Variants in METAP1 observed in about 807,000 individuals in gnomAD.
METAP1 encodes methionyl aminopeptidase 1.
METAP1 carries 28 observed loss-of-function variants against 53.8 expected under a neutral mutation model. The ratio of observed to expected loss-of-function variants is 0.52; its 90% CI spans 0.39 to 0.71. METAP1 has a LOEUF of 0.71. Ranked by LOEUF, METAP1 falls within the 30% of genes least tolerant of loss-of-function variation. The pLI, the probability that METAP1 is intolerant of heterozygous loss-of-function variation, is 0.00. For synonymous variants in METAP1, 181 were observed against 165.7 expected, an observed-to-expected ratio of 1.09 and a Z score of -0.71; for missense variants, 389 against 479.8, an observed-to-expected ratio of 0.81 and a Z score of 1.77.
intron 1 of METAP1, among the ~76,000 whole-genome samples, chr4:99,014,026 G>A (rs1352404739): frequency 6.6e-6 from 1 of 152,196 alleles, no homozygotes; most frequent in Non-Finnish European, 1.5e-5. Context: ...AATAGGGTGG[G>A]GGAGAGGCAG....
intron 1 of METAP1, among the ~76,000 whole-genome samples, chr4:99,018,708 C>T (rs1160535290): frequency 6.6e-6 from 1 of 152,142 alleles, no homozygotes; most frequent in Non-Finnish European, 1.5e-5. Context: ...AGATCTTGTA[C>T]TAATAGGTAG....
intron 1 of METAP1, among the ~76,000 whole-genome samples, chr4:99,016,456 A>G (rs1042817569): frequency 7.2e-5 from 11 of 152,132 alleles, no homozygotes; most frequent in Non-Finnish European, 1.5e-4. Context: ...TATGTCCAGC[A>G]CCTGGGCCAG....
At chr4:99,044,891 G>T (rs1002669853) in intron 7 of METAP1, among the ~76,000 whole-genome samples, 3 of 152,162 alleles carry the variant, frequency 2.0e-5, no homozygotes, top group Non-Finnish European at 4.4e-5. Context: ...TTGCATGATT[G>T]TGTCCCACAT....
chr4:99,042,918 T>G (rs1363352511), intron 6 of METAP1, among the ~76,000 whole-genome samples: 1 of 152,154 alleles, frequency 6.6e-6, no homozygotes, highest in Non-Finnish European at 1.5e-5. Flanking sequence ...AATGCTCCAA[T>G]GGGCATTTCT....
chr4:99,010,157 T>C (rs1275175764), intron 1 of METAP1, among the ~76,000 whole-genome samples: 1 of 152,206 alleles, frequency 6.6e-6, no homozygotes, highest in Non-Finnish European at 1.5e-5. Context: ...GGCACCCTTG[T>C]CAAAAATCAT....
chr4:98,997,057 G>A lies in METAP1; in HGVS notation c.114+1190G>A, dbSNP rs185968785. Among the ~76,000 whole-genome samples the A allele has an allele frequency of 3.9e-5, 6 of 152,290 alleles. No homozygotes were observed. The East Asian group carries it at 1.2e-3, about 29-fold the overall frequency. ...CCAGATTATCCAAGGAACGTGAAAT[G>A]CTGTTATAATGTAAAGTCCTTTATT... On this transcript the variant is annotated intron_variant, in intron 1 of 10. Transcript: ENST00000296411.
intron 1 of METAP1, among the ~76,000 whole-genome samples, chr4:99,001,055 G>A (rs1323623871): frequency 6.6e-6 from 1 of 152,182 alleles, no homozygotes; most frequent in Non-Finnish European, 1.5e-5. Context: ...AGAAGGAATT[G>A]CCGTTATAAC....
intron 1 of METAP1, among the ~76,000 whole-genome samples, chr4:99,017,271 C>T (rs1024434321): frequency 2.0e-5 from 3 of 152,318 alleles, no homozygotes; most frequent in South Asian, 2.1e-4. Flanking sequence ...CAAATGTATG[C>T]GCTACCCCAA....
At chr4:99,013,857 A>T (rs1723609478) in intron 1 of METAP1, among the ~76,000 whole-genome samples, 1 of 152,214 alleles carries the variant, frequency 6.6e-6, no homozygotes, top group Non-Finnish European at 1.5e-5. Flanking sequence ...CCTAACATTT[A>T]ACCGGGGAAT....
chr4:98,996,709 C>T (rs571734022), intron 1 of METAP1, among the ~76,000 whole-genome samples: 1 of 152,192 alleles, frequency 6.6e-6, no homozygotes, highest in Non-Finnish European at 1.5e-5. Flanking sequence ...AGCGTGTGCT[C>T]GTGTTTCTGT....
chr4:99,009,058 G>A (rs981302312), intron 1 of METAP1, among the ~76,000 whole-genome samples: 2 of 151,994 alleles, frequency 1.3e-5, no homozygotes, highest in African/African-American at 4.8e-5. Flanking sequence ...CCAAACCCCT[G>A]GTAACTACTA....
intron 1 of METAP1, among the ~76,000 whole-genome samples, chr4:98,996,344 G>A (rs1055437522): frequency 6.6e-6 from 1 of 152,350 alleles, no homozygotes; most frequent in African/African-American, 2.4e-5. Context: ...CTGCGGGGTG[G>A]GGGGCTGAAG....
intron 1 of METAP1, among the ~76,000 whole-genome samples, chr4:99,011,667 G>T (rs909524072): frequency 2.0e-5 from 3 of 152,190 alleles, no homozygotes; most frequent in African/African-American, 4.8e-5. Context: ...TGGGCTGGGC[G>T]TGGTGGCTGA....
At chr4:99,041,550 A>G (rs772439353) in intron 6 of METAP1, among the ~76,000 whole-genome samples, 2 of 152,128 alleles carry the variant, frequency 1.3e-5, no homozygotes, top group Non-Finnish European at 2.9e-5. Context: ...TAGTAAGTAT[A>G]GGGATTAAAA....
At position 99,055,392 on chromosome 4, in the gene METAP1, A is replaced by G. The variant is rs1462802611; in HGVS notation, c.932-2361A>G. On this transcript the variant is annotated intron_variant, in intron 9 of 10. Transcript: ENST00000296411. ...GACAACAGAGCAAGAGTCCATCTCA[A>G]AAAAAAAAAAAAAAGAGAAAAGAAA... 6.4e-4 allele frequency among the ~76,000 whole-genome samples: 5 copies of G among 7,822 alleles called. No individual in the cohort carries two copies. In the African/African-American group the frequency reaches 0.012, roughly 19 times the overall value. The allele number at this position is 7,822 out of a possible 152,430, so 5.1% of individuals were successfully genotyped here.
At chr4:99,028,588 G>A (rs747937211) in intron 1 of METAP1, among the ~76,000 whole-genome samples, 1 of 152,046 alleles carries the variant, frequency 6.6e-6, no homozygotes, top group South Asian at 2.1e-4. Flanking sequence ...GAAATACTTC[G>A]TAATAGTTTG....
At chr4:99,012,463 C>T (rs1259399127) in intron 1 of METAP1, among the ~76,000 whole-genome samples, 2 of 151,504 alleles carry the variant, frequency 1.3e-5, no homozygotes, top group African/African-American at 4.8e-5. Flanking sequence ...TTAGTAGAGA[C>T]AGGGTTTCAC....
intron 1 of METAP1, among the ~76,000 whole-genome samples, chr4:99,028,231 C>G (rs780264144): frequency 7.2e-5 from 11 of 152,062 alleles, no homozygotes; most frequent in Non-Finnish European, 1.5e-4. Context: ...CCCAGTTTGC[C>G]ACTTCTTACT....
intron 5 of METAP1, 95 bp downstream of exon 5, chr4:99,039,560 T>C: frequency 1.3e-6 from 1 of 748,088 alleles, no homozygotes; most frequent in Non-Finnish European, 2.2e-6. Context: ...TAGCAAATGT[T>C]ATATTGTTAG....
Sources: gnomAD v4.1 joint callset for allele counts (sites outside exome capture counted in the v4.1 genomes callset) on GRCh38, gnomAD v4.1.1 for gene constraint, MANE v1.5 for transcripts, NCBI Gene and HGNC (gene_info 2026-07-23, HGNC 2026-07-21) for gene names.